Variants in SORBS2 observed in about 807,000 individuals in gnomAD.
SORBS2 encodes sorbin and SH3 domain-containing protein 2.
Under a neutral mutation model 97.7 loss-of-function variants are expected in SORBS2, and 46 were observed. The observed-to-expected ratio is 0.47, with a 90% CI of 0.37 to 0.60. SORBS2 has a LOEUF of 0.60. SORBS2 is among the 20% of genes least tolerant of loss of function. The pLI is 0.00. For missense variants in SORBS2, 1,316 were observed against 1,282.3 expected (o/e 1.03, Z -0.40); for synonymous variants, 476 against 473.4 (o/e 1.01, Z -0.07).
At chr4:185,774,264 G>C (rs1291537892) in intron 2 of SORBS2, 2 of 152,230 alleles carry the variant, frequency 1.3e-5, no homozygotes, top group Admixed American at 6.5e-5. Flanking sequence ...GCCATGAACT[G>C]TCCTGAAGTC....
chr4:185,665,182 G>A (rs1490246481), intron 4 of SORBS2, among the ~76,000 whole-genome samples: 1 of 152,154 alleles, frequency 6.6e-6, no homozygotes, highest in Non-Finnish European at 1.5e-5. Context: ...ATTTCTGAAA[G>A]GTAGATAGGA....
At chr4:185,809,838 C>T (rs1406689816) in intron 1 of SORBS2, among the ~76,000 whole-genome samples, 1 of 152,102 alleles carries the variant, frequency 6.6e-6, no homozygotes, top group East Asian at 1.9e-4. Flanking sequence ...GTCGGGTGTG[C>T]CCTGGATATT....
At chr4:185,761,096 A>G (rs2098885852) in intron 2 of SORBS2, among the ~76,000 whole-genome samples, 1 of 152,252 alleles carries the variant, frequency 6.6e-6, no homozygotes, top group African/African-American at 2.4e-5. Context: ...AAAGTGAAGA[A>G]GAAAACTTTA....
At chr4:185,725,384 G>A (rs964858996) in intron 2 of SORBS2, among the ~76,000 whole-genome samples, 5 of 152,160 alleles carry the variant, frequency 3.3e-5, no homozygotes, top group Non-Finnish European at 7.3e-5. Flanking sequence ...TGTGGGTTCT[G>A]CCACCTACCA....
rs777349115 is a variant in SORBS2 at position 185,636,672 on chromosome 4, G to A, written c.397-6074C>T. 3.6e-5 allele frequency among the ~76,000 whole-genome samples: 5 copies of A among 139,070 alleles called. No individual in the cohort carries two copies. The South Asian group carries it at 1.1e-3, about 31-fold the overall frequency. The allele number at this position is 139,070 out of a possible 152,430, so 91.2% of individuals were successfully genotyped here. On this transcript the variant is annotated intron_variant, in intron 4 of 14. Transcript: ENST00000418609. The stretch of plus-strand genomic sequence containing the variant: ...TATTTTTTTTTTTTTTTTTTGAGAT[G>A]GAGTCTCACTCTGTCGCCCAGGCTG...
At chr4:185,587,469 G>A in exon 15 of SORBS2, 3 of 645,242 alleles carry the variant, frequency 4.6e-6, no homozygotes, top group Non-Finnish European at 8.4e-6. Context: ...GCTCACAGCA[G>A]CGGCGGCTAC....
At chr4:185,896,084 T>TA (rs1579365044) in intron 1 of SORBS2, among the ~76,000 whole-genome samples, 2 of 152,306 alleles carry the variant, frequency 1.3e-5, no homozygotes, top group East Asian at 3.9e-4. Flanking sequence ...AGCTCCGGAT[T>TA]AGGCCAAAGA....
intron 2 of SORBS2, among the ~76,000 whole-genome samples, chr4:185,744,774 G>A (rs2098749753): frequency 6.6e-6 from 1 of 152,190 alleles, no homozygotes; most frequent in African/African-American, 2.4e-5. Flanking sequence ...GGAATGAATG[G>A]CCACTATGCA....
intron 12 of SORBS2, among the ~76,000 whole-genome samples, chr4:185,602,167 G>A (rs1293736699): frequency 6.6e-6 from 1 of 152,062 alleles, no homozygotes; most frequent in African/African-American, 2.4e-5. Context: ...CTGTCACCAC[G>A]TCCGGCTAAT....
intron 1 of SORBS2, among the ~76,000 whole-genome samples, chr4:185,861,483 TGGA>T (rs1459366498): frequency 6.6e-6 from 1 of 151,944 alleles, no homozygotes; most frequent in East Asian, 1.9e-4. Flanking sequence ...ATGATGAGGC[TGGA>T]GGAGGAGAAA....
chr4:185,669,547 G>A (rs2097675887), intron 4 of SORBS2, among the ~76,000 whole-genome samples: 1 of 152,166 alleles, frequency 6.6e-6, no homozygotes, highest in Non-Finnish European at 1.5e-5. Flanking sequence ...TGAAGAAGGA[G>A]TGCATGGCCA....
At chr4:185,887,005 C>T (rs1029621098) in intron 1 of SORBS2, among the ~76,000 whole-genome samples, 1 of 152,148 alleles carries the variant, frequency 6.6e-6, no homozygotes, top group Admixed American at 6.5e-5. Context: ...ACCTTCCAGC[C>T]AGTTTGAAGA....
In SORBS2 at chr4:185,676,222, C is replaced by T. The variant is rs552812909; in HGVS notation, c.-46+2201G>A. ...TAATTAGTATTCTCATTTCTTTGTT[C>T]GGACTCACAGAAAAGTTTAGATGAA... On this transcript the variant is annotated intron_variant, in intron 4 of 20. Transcript: ENST00000284776. Among the ~76,000 whole-genome samples the T allele has an allele frequency of 5.3e-5, 8 of 152,174 alleles. No individual in the cohort carries two copies. In the South Asian group the frequency reaches 6.2e-4, roughly 12 times the overall value.
intron 2 of SORBS2, among the ~76,000 whole-genome samples, chr4:185,735,722 G>A (rs1189623802): frequency 6.6e-6 from 1 of 151,994 alleles, no homozygotes; most frequent in Non-Finnish European, 1.5e-5. Context: ...GTGTGTGTGG[G>A]TGCAATTTTG....
chr4:185,674,852 T>C (rs1353273191), intron 4 of SORBS2, among the ~76,000 whole-genome samples: 1 of 152,212 alleles, frequency 6.6e-6, no homozygotes, highest in African/African-American at 2.4e-5. Flanking sequence ...TGAGTTACCA[T>C]ACTTGACATG....
At chr4:185,637,995 C>T (rs2097052400) in intron 4 of SORBS2, 84 bp downstream of exon 15, 4 of 852,864 alleles carry the variant, frequency 4.7e-6, no homozygotes, top group South Asian at 4.1e-5. Flanking sequence ...CTCTGAATGA[C>T]ACCCACGTCT....
At chr4:185,806,468 T>G (rs866595537) in intron 1 of SORBS2, among the ~76,000 whole-genome samples, 1 of 47,390 alleles carries the variant, frequency 2.1e-5, no homozygotes, top group Non-Finnish European at 4.1e-5. Flanking sequence ...TTTTTTTTTT[T>G]TTTTTTTGAG....
intron 2 of SORBS2, among the ~76,000 whole-genome samples, chr4:185,708,233 A>ATT (rs1181035054): frequency 6.6e-6 from 1 of 152,240 alleles, no homozygotes; most frequent in Non-Finnish European, 1.5e-5. Context: ...AATGTATGGA[A>ATT]TTGTGGCAAA....
intron 1 of SORBS2, among the ~76,000 whole-genome samples, chr4:185,886,492 T>G (rs1333143974): frequency 7.1e-6 from 1 of 140,356 alleles, no homozygotes; most frequent in East Asian, 2.0e-4. Context: ...GAGGCGGAGG[T>G]TGCAGTGAGC....
Sources: allele counts gnomAD v4.1 joint callset (sites outside exome capture counted in the v4.1 genomes callset), GRCh38; gene constraint gnomAD v4.1.1; transcripts MANE v1.5; gene names NCBI Gene and HGNC (gene_info 2026-07-23, HGNC 2026-07-21).